The following LRPPRC variants were observed in gnomAD, a reference collection of about 807,000 sequenced individuals.
LRPPRC encodes the protein leucine rich pentatricopeptide repeat containing.
LRPPRC carries 120 observed loss-of-function variants against 180.3 expected under a neutral mutation model. The ratio of observed to expected loss-of-function variants is 0.67; its 90% CI spans 0.57 to 0.77. LRPPRC has a LOEUF of 0.77. Ranked by LOEUF, LRPPRC falls within the 30% of genes least tolerant of loss-of-function variation. The pLI, the probability that LRPPRC is intolerant of heterozygous loss-of-function variation, is 0.00. For synonymous variants in LRPPRC, 723 were observed against 600.0 expected (o/e 1.21, Z -3.00); for missense variants, 2,012 against 1,657.2 (o/e 1.21, Z -3.72).
At chr2:43,890,495 C>G (rs1015347718) in intron 36 of LRPPRC, 21 of 334,476 alleles carry the variant, frequency 6.3e-5, no homozygotes, top group Non-Finnish European at 1.2e-4. Context: ...AGGCGGATCA[C>G]GAGGTTAGGA....
At chr2:43,995,522 C>A (rs1451037312) in intron 1 of LRPPRC, among the ~76,000 whole-genome samples, 1 of 152,216 alleles carries the variant, frequency 6.6e-6, no homozygotes, top group East Asian at 1.9e-4. Flanking sequence ...CTTCGTTGAC[C>A]ATGGGTACCC....
chr2:43,952,254 A>T (rs1245850087), intron 14 of LRPPRC, among the ~76,000 whole-genome samples: 1 of 152,218 alleles, frequency 6.6e-6, no homozygotes, highest in Non-Finnish European at 1.5e-5. Flanking sequence ...TGAAGTACCT[A>T]AGGAAGGCAT....
chr2:43,976,353 A>T, intron 5 of LRPPRC, 124 bp from the exon 6 acceptor site: 1 of 664,682 alleles, frequency 1.5e-6, no homozygotes, highest in Non-Finnish European at 2.7e-6. Flanking sequence ...CATTTGTTTT[A>T]GAAACCACAA....
At chr2:43,909,278 G>A (rs1671171064) in intron 30 of LRPPRC, among the ~76,000 whole-genome samples, 1 of 152,176 alleles carries the variant, frequency 6.6e-6, no homozygotes, top group African/African-American at 2.4e-5. Context: ...CCAAAGCCCA[G>A]ATTGACTTCA....
At chr2:43,898,448 C>G (rs906887038) in intron 34 of LRPPRC, among the ~76,000 whole-genome samples, 3 of 152,174 alleles carry the variant, frequency 2.0e-5, no homozygotes, top group African/African-American at 7.2e-5. Flanking sequence ...ACAAACACAG[C>G]CGTTGGCGGG....
intron 23 of LRPPRC, among the ~76,000 whole-genome samples, chr2:43,936,631 A>T (rs1207249416): frequency 6.6e-6 from 1 of 152,244 alleles, no homozygotes; most frequent in Non-Finnish European, 1.5e-5. Flanking sequence ...AGTAAAAGAC[A>T]ACGAAGAAAT....
intron 30 of LRPPRC, among the ~76,000 whole-genome samples, chr2:43,908,409 G>A (rs1447620734): frequency 2.6e-5 from 4 of 152,174 alleles, no homozygotes; most frequent in Non-Finnish European, 5.9e-5. Context: ...GGCTTATTGG[G>A]AAGGTTAAAT....
At chr2:43,977,994 T>C (rs901898230) in intron 3 of LRPPRC, among the ~76,000 whole-genome samples, 2 of 152,288 alleles carry the variant, frequency 1.3e-5, no homozygotes, top group Admixed American at 1.3e-4. Flanking sequence ...GGTGAGAGTA[T>C]GTGATTTTAG....
intron 1 of LRPPRC, among the ~76,000 whole-genome samples, chr2:43,993,134 A>G (rs1674861233): frequency 6.6e-6 from 1 of 152,216 alleles, no homozygotes; most frequent in East Asian, 1.9e-4. Flanking sequence ...TGGAAGACAG[A>G]GTAATATGCC....
At position 43,995,917 on chromosome 2, in the gene LRPPRC, A is replaced by G; in HGVS notation, c.31T>C (p.Leu11=). The G allele has an allele frequency of 1.3e-6, 2 of 1,518,522 alleles. No homozygotes were observed. The highest frequency in any genetic ancestry group is 1.8e-6 in the Non-Finnish European group (2 of 1,140,466). 94.1% of individuals were successfully genotyped at this position (1,518,522 alleles called of 1,614,324 possible). A position where few individuals can be genotyped will look rare whatever the true frequency, so the allele number is the denominator to read the frequency against. The change falls in exon 1 of 38, where the codon TTG becomes CTG. Residue 11 remains leucine, a synonymous_variant. Transcript: ENST00000260665. ...CGCGGGGCCGCCCCGGCACGCAGCAACCAACGCGCGGATCTCAGCAGGGCT... is the reference window on the plus strand; with the variant it reads ...CGCGGGGCCGCCCCGGCACGCAGCAGCCAACGCGCGGATCTCAGCAGGGCT... MAALLRSARW[L]LRAGAAPRLP...
intron 1 of LRPPRC, among the ~76,000 whole-genome samples, chr2:43,991,732 A>C (rs531424663): frequency 6.6e-6 from 1 of 152,228 alleles, no homozygotes; most frequent in Non-Finnish European, 1.5e-5. Flanking sequence ...CACATATTAC[A>C]AAGTAAAAGG....
chr2:43,901,825 T>C, intron 31 of LRPPRC: 2 of 312,300 alleles, frequency 6.4e-6, no homozygotes, highest in Non-Finnish European at 1.2e-5. Flanking sequence ...AGTTGGTAAG[T>C]TCAAATGAAT....
intron 25 of LRPPRC, 32 bp from the exon 26 acceptor site, chr2:43,925,993 G>A: frequency 7.8e-7 from 1 of 1,282,748 alleles, no homozygotes; most frequent in Non-Finnish European, 1.1e-6. Flanking sequence ...TAGCACCCAA[G>A]GTAAGGCTTC....
chr2:43,898,810 G>A (rs1670784423), intron 34 of LRPPRC, among the ~76,000 whole-genome samples: 1 of 152,150 alleles, frequency 6.6e-6, no homozygotes, highest in East Asian at 1.9e-4. Context: ...CCTACTTTTT[G>A]TTTGCAAACT....
intron 35 of LRPPRC, among the ~76,000 whole-genome samples, chr2:43,895,152 T>G (rs1203755005): frequency 3.9e-5 from 6 of 152,200 alleles, no homozygotes; most frequent in African/African-American, 1.4e-4. Flanking sequence ...AGAACTGCTA[T>G]GCCGTAATGA....
chr2:43,928,571 G>C (rs534265163), intron 25 of LRPPRC, among the ~76,000 whole-genome samples: 156 of 152,142 alleles, frequency 1.0e-3, no homozygotes, highest in Non-Finnish European at 1.8e-3. Flanking sequence ...ATGTGCACAA[G>C]GGCTTTAAAG....
intron 3 of LRPPRC, 148 bp downstream of exon 3, chr2:43,979,678 C>A: frequency 1.5e-6 from 1 of 674,526 alleles, no homozygotes; most frequent in Non-Finnish European, 2.6e-6. Flanking sequence ...TGTCACTATA[C>A]CTCACCAAAT....
intron 25 of LRPPRC, among the ~76,000 whole-genome samples, chr2:43,933,858 G>A (rs1255115566): frequency 6.6e-6 from 1 of 152,090 alleles, no homozygotes; most frequent in African/African-American, 2.4e-5. Flanking sequence ...GAATTCTTTG[G>A]CAAAGAGGAT....
intron 25 of LRPPRC, among the ~76,000 whole-genome samples, chr2:43,931,785 G>A (rs1400107807): frequency 2.6e-5 from 4 of 152,084 alleles, no homozygotes; most frequent in Non-Finnish European, 4.4e-5. Context: ...AACCCTTAAA[G>A]GTGGCATTGG....
Sources: allele counts gnomAD v4.1 joint callset (sites outside exome capture counted in the v4.1 genomes callset), GRCh38; gene constraint gnomAD v4.1.1; transcripts MANE v1.5; gene names NCBI Gene and HGNC (gene_info 2026-07-23, HGNC 2026-07-21).